The following ABCA1 variants were observed in gnomAD, a reference collection of about 807,000 sequenced individuals.
ABCA1 encodes the protein ATP binding cassette subfamily A member 1.
A neutral mutation model predicts 262.5 loss-of-function variants in ABCA1; 133 were observed. That is an observed-to-expected ratio of 0.51 (90% CI 0.44 to 0.59). ABCA1 has a LOEUF of 0.59. Among genes scored for constraint, ABCA1 ranks in the 20% least tolerant of loss-of-function variants. The pLI, the probability that ABCA1 is intolerant of heterozygous loss-of-function variation, is 0.00. For missense variants in ABCA1, 2,452 were observed against 2,777.5 expected, an observed-to-expected ratio of 0.88 and a Z score of 2.63; for synonymous variants, 1,022 against 1,043.5, an observed-to-expected ratio of 0.98 and a Z score of 0.40.
intron 1 of ABCA1, among the ~76,000 whole-genome samples, chr9:104,925,735 C>A (rs887324822): frequency 2.0e-5 from 3 of 152,110 alleles, no homozygotes; most frequent in African/African-American, 7.2e-5. Context: ...AACAGGCTGA[C>A]AATGGAAACT....
At chr9:104,904,764 G>A (rs1315807596) in intron 1 of ABCA1, among the ~76,000 whole-genome samples, 1 of 152,004 alleles carries the variant, frequency 6.6e-6, no homozygotes, top group African/African-American at 2.4e-5. Context: ...GCAGGCTCAG[G>A]GCATCAACTG....
Position 104,820,020 on chromosome 9 carries a change from A to G in ABCA1, c.3010T>C (p.Ser1004Pro). 6.2e-7 allele frequency: 1 copy of G among 1,614,102 alleles called. No individual in the cohort carries two copies. Among genetic ancestry groups the G allele is most frequent in the Non-Finnish European group, 8.5e-7 (1 of 1,180,024 alleles). Residue 1004 changes from serine (S) to proline (P), a missense_variant, in exon 21 of 50, where the codon TCT becomes CCT. Ser to Pro is a moderately conservative substitution (Grantham distance 74). This residue lies in a region of ABCA1 where 665 missense variants were observed against 727.3 expected (regional missense o/e 0.91). Transcript: ENST00000374736. ...ATCTCCGCCTTCACGTGCTTCTCAGAGAGCCCTTTCAAGCGGGCATAGAAC... is the reference window on the plus strand; with the variant it reads ...ATCTCCGCCTTCACGTGCTTCTCAGGGAGCCCTTTCAAGCGGGCATAGAAC... ...IWFYARLKGL[S>P]EKHVKAEMEQ...
intron 33 of ABCA1, 33 bp downstream of exon 33, chr9:104,803,251 T>C (rs759317946): frequency 3.7e-6 from 6 of 1,612,100 alleles, no homozygotes; most frequent in Non-Finnish European, 5.1e-6. Flanking sequence ...ATCCTCCCCC[T>C]GAGCTAAACG....
At chr9:104,806,564 G>T in intron 30 of ABCA1, 134 bp from the exon 31 acceptor site, 1 of 836,862 alleles carries the variant, frequency 1.2e-6, no homozygotes, top group Non-Finnish European at 2.0e-6. Context: ...AGACAAGCAT[G>T]ATCTCATTTG....
intron 29 of ABCA1, 96 bp from the exon 30 acceptor site, chr9:104,809,660 T>A (rs955968277): frequency 1.8e-6 from 2 of 1,117,702 alleles, no homozygotes; most frequent in Non-Finnish European, 2.7e-6. Flanking sequence ...TTAGGAAGCA[T>A]TTCTCTGTGA....
At chr9:104,795,904 C>A in intron 39 of ABCA1, 149 bp downstream of exon 39, 1 of 1,155,716 alleles carries the variant, frequency 8.7e-7, no homozygotes, top group South Asian at 1.2e-5. Context: ...GGTGCTTTGC[C>A]TTCTCAGGGA....
chr9:104,809,572 T>G lies in ABCA1; in HGVS notation c.4176-8A>C. On this transcript the variant is annotated splice_region_variant and splice_polypyrimidine_tract_variant and intron_variant, in intron 29 of 49. Transcript: ENST00000374736. The stretch of plus-strand genomic sequence containing the variant: ...TCCTCAGGAGCATCATTGCTGTGGG[T>G]ACATGAGAGGCAGCCAGCTTAGTAA... The G allele has an allele frequency of 6.2e-7, 1 of 1,612,274 alleles. No homozygotes were observed. The highest frequency in any genetic ancestry group is 8.5e-7 in the Non-Finnish European group (1 of 1,178,304).
intron 35 of ABCA1, among the ~76,000 whole-genome samples, 169 bp from the exon 36 acceptor site, chr9:104,800,157 A>C (rs1463438918): frequency 4.6e-5 from 7 of 152,206 alleles, no homozygotes; most frequent in Non-Finnish European, 7.3e-5. Flanking sequence ...TGTTCAGGAC[A>C]TAGTGATCAC....
At position 104,819,709 on chromosome 9, in the gene ABCA1, T is replaced by C. The variant is rs530041576; in HGVS notation, c.3118A>G (p.Lys1040Glu). 1 of 1,614,094 alleles carries C rather than the reference T, an allele frequency of 6.2e-7. No individual in the cohort carries two copies. Among genetic ancestry groups the C allele is most frequent in the East Asian group, 2.2e-5 (1 of 44,866 alleles). ...ACAAAGGCCAAGGCCACAGATAGCT[T>C]TCTCTGCATTCCACCTACAAAAAAA... ...TSQLSGGMQRKLSVALAFVGG... is the reference protein window; with the variant it reads ...TSQLSGGMQRELSVALAFVGG... The change falls in exon 22 of 50, where the codon AAG becomes GAG. Residue 1040 changes from lysine (K) to glutamate (E), a missense_variant. This residue lies in a region of ABCA1 where 665 missense variants were observed against 727.3 expected (regional missense o/e 0.91). Coordinates refer to ENST00000374736, the MANE Select transcript of ABCA1 (RefSeq NM_005502.4).
In ABCA1 at chr9:104,830,981, C is replaced by T; in HGVS notation, c.1836G>A (p.Glu612=). 6.2e-7 allele frequency: 1 copy of T among 1,613,932 alleles called. No homozygotes were observed. ...GTTGCATATAGACACCAGTTTTCTTCTCGGTGCCCGTCAGCACCCTGATGA... is the reference window on the plus strand; with the variant it reads ...GTTGCATATAGACACCAGTTTTCTTTTCGGTGCCCGTCAGCACCCTGATGA... ...QAIIRVLTGT[E]KKTGVYMQQM... is the part of the protein sequence containing the mutation. Residue 612 remains glutamate, a synonymous_variant, in exon 14 of 50, where the codon GAG becomes GAA. Coordinates refer to ENST00000374736, the MANE Select transcript of ABCA1 (RefSeq NM_005502.4).
intron 1 of ABCA1, among the ~76,000 whole-genome samples, chr9:104,919,310 A>C (rs995711144): frequency 1.3e-5 from 2 of 152,100 alleles, no homozygotes. Context: ...ACAGGAGTCC[A>C]TTATAAGAAG....
chr9:104,912,315 C>T (rs1841548850), intron 1 of ABCA1, among the ~76,000 whole-genome samples: 1 of 152,196 alleles, frequency 6.6e-6, no homozygotes, highest in Non-Finnish European at 1.5e-5. Flanking sequence ...AGCAGGATCG[C>T]TTGAGCCCAG....
chr9:104,839,351 C>G (rs913847923), intron 9 of ABCA1, among the ~76,000 whole-genome samples: 8 of 152,202 alleles, frequency 5.3e-5, no homozygotes, highest in Non-Finnish European at 8.8e-5. Context: ...GGCTTGAATC[C>G]TGGCTCTTGT....
chr9:104,914,944 G>A (rs1355889975), intron 1 of ABCA1, among the ~76,000 whole-genome samples: 1 of 152,182 alleles, frequency 6.6e-6, no homozygotes, highest in African/African-American at 2.4e-5. Context: ...ATCTGTGATT[G>A]AGGCTCTAGA....
At chr9:104,806,962 G>A (rs539268488) in intron 30 of ABCA1, among the ~76,000 whole-genome samples, 47 of 152,298 alleles carry the variant, frequency 3.1e-4, no homozygotes, top group African/African-American at 1.0e-3. Flanking sequence ...CAATGATGGA[G>A]AACAAGCTGG....
intron 7 of ABCA1, chr9:104,855,255 G>A (rs1359653401): frequency 7.0e-6 from 5 of 717,724 alleles, no homozygotes; most frequent in African/African-American, 2.0e-5. Context: ...GGAATGCAGT[G>A]GAGTGATCTC....
At chr9:104,916,370 C>CA (rs1236141858) in intron 1 of ABCA1, among the ~76,000 whole-genome samples, 1 of 152,036 alleles carries the variant, frequency 6.6e-6, no homozygotes, top group Non-Finnish European at 1.5e-5. Flanking sequence ...TTGAGAGAAA[C>CA]AAAAAATTCC....
chr9:104,832,938 G>C (rs1833474255), intron 11 of ABCA1, among the ~76,000 whole-genome samples, 167 bp from the exon 12 acceptor site: 1 of 150,534 alleles, frequency 6.6e-6, no homozygotes, highest in Admixed American at 6.6e-5. Context: ...TGAGGCTGAA[G>C]AAAAAAAAAC....
chr9:104,821,010 CG>C (rs2118970324), intron 20 of ABCA1, among the ~76,000 whole-genome samples: 1 of 152,238 alleles, frequency 6.6e-6, no homozygotes, highest in East Asian at 1.9e-4. Flanking sequence ...TTTGGGAGAC[CG>C]AGGTGGGCGG....
Sources: gnomAD v4.1 joint callset for allele counts (sites outside exome capture counted in the v4.1 genomes callset) on GRCh38, gnomAD v4.1.1 for gene constraint, gnomAD v4.1.1 regional missense constraint, MANE v1.5 for transcripts, NCBI Gene and HGNC (gene_info 2026-07-23, HGNC 2026-07-21) for gene names.